ABCA13: variants seen among roughly 807,000 people sequenced by gnomAD.
ABCA13 encodes ATP-binding cassette sub-family A member 13.
Under a neutral mutation model 478.7 loss-of-function variants are expected in ABCA13, and 476 were observed. That is an observed-to-expected ratio of 0.99 (90% CI 0.92 to 1.07). The LOEUF is 1.07. Among genes scored for constraint, ABCA13 ranks in the 50% least tolerant of loss-of-function variants. The probability of loss-of-function intolerance (pLI) is 0.00; values close to 1 mark genes in which losing one functional copy is unlikely to be tolerated. For missense variants in ABCA13, 6,060 were observed against 5,910.6 expected, an observed-to-expected ratio of 1.03 and a Z score of -0.83; for synonymous variants, 2,252 against 2,158.9, an observed-to-expected ratio of 1.04 and a Z score of -1.20.
intron 17 of ABCA13, 124 bp downstream of exon 17, chr7:48,276,689 G>T: frequency 5.3e-6 from 4 of 751,284 alleles, no homozygotes; most frequent in Non-Finnish European, 8.2e-6. Flanking sequence ...GATCTTTGAT[G>T]TAAATTTGTC....
In ABCA13 at chr7:48,273,493, C is replaced by A. The variant is rs1409400838; in HGVS notation, c.3827C>A (p.Thr1276Lys). Reference protein sequence around the residue: ...QLKTFPFNESTSREFLNSLLE... With the variant: ...QLKTFPFNESKSREFLNSLLE... ...AAGACATTTCCATTCAACGAAAGTA[C>A]AAGCAGAGAGTTTTTAAATTCTCTG... The change falls in exon 17 of 62, where the codon ACA (threonine) becomes AAA (lysine). Residue 1276 changes from threonine to lysine, a missense_variant. By Grantham distance (78) the Thr-to-Lys change is moderately conservative. Around this residue, in one of 3 missense-constraint regions of ABCA13, gnomAD observed 4,423 missense variants for 4,309.1 expected, o/e 1.03. Coordinates refer to ENST00000435803, the MANE Select transcript of ABCA13 (RefSeq NM_152701.5). 1 of 1,601,438 alleles carries A rather than the reference C, an allele frequency of 6.2e-7. No individual in the cohort carries two copies. Among genetic ancestry groups the A allele is most frequent in the East Asian group, 2.2e-5 (1 of 44,608 alleles).
chr7:48,501,118 A>G (rs1486031465), intron 48 of ABCA13, among the ~76,000 whole-genome samples: 1 of 152,108 alleles, frequency 6.6e-6, no homozygotes, highest in African/African-American at 2.4e-5. Flanking sequence ...CCTTGGCCTG[A>G]CAGGGGCAGG....
intron 42 of ABCA13, among the ~76,000 whole-genome samples, chr7:48,435,095 G>A (rs971800623): frequency 6.6e-6 from 1 of 151,748 alleles, no homozygotes; most frequent in Non-Finnish European, 1.5e-5. Context: ...AGTTTTGGGT[G>A]GTATTGATAT....
At chr7:48,416,852 G>A (rs113425599) in intron 41 of ABCA13, among the ~76,000 whole-genome samples, 4 of 151,880 alleles carry the variant, frequency 2.6e-5, no homozygotes, top group African/African-American at 4.8e-5. Flanking sequence ...TACAGAGCTC[G>A]GGCCTGTTAA....
At chr7:48,576,438 T>G (rs78806338) in intron 55 of ABCA13, among the ~76,000 whole-genome samples, 1 of 152,162 alleles carries the variant, frequency 6.6e-6, no homozygotes, top group African/African-American at 2.4e-5. Flanking sequence ...AAAAATCCTT[T>G]CGTGCTTTCA....
chr7:48,636,169 A>G (rs1794618908), intron 59 of ABCA13, among the ~76,000 whole-genome samples: 1 of 152,156 alleles, frequency 6.6e-6, no homozygotes, highest in African/African-American at 2.4e-5. Flanking sequence ...TATTAATTTT[A>G]TTGTGTACAG....
chr7:48,377,859 T>C (rs1311996828), intron 35 of ABCA13, among the ~76,000 whole-genome samples: 2 of 152,212 alleles, frequency 1.3e-5, no homozygotes, highest in Non-Finnish European at 2.9e-5. Context: ...GAAAGTAATG[T>C]TACAAAATAC....
chr7:48,246,230 C>T (rs1406975497), intron 13 of ABCA13, among the ~76,000 whole-genome samples, 200 bp downstream of exon 13: 1 of 152,164 alleles, frequency 6.6e-6, no homozygotes, highest in African/African-American at 2.4e-5. Flanking sequence ...ATGCCACCCG[C>T]CTGGCCAAAA....
chr7:48,466,481 A>G (rs1826887610), intron 43 of ABCA13, among the ~76,000 whole-genome samples: 1 of 152,240 alleles, frequency 6.6e-6, no homozygotes, highest in Non-Finnish European at 1.5e-5. Context: ...ATAGAAACCA[A>G]ATGATATTTC....
intron 48 of ABCA13, among the ~76,000 whole-genome samples, chr7:48,503,539 T>A (rs1830938192): frequency 6.6e-6 from 1 of 152,234 alleles, no homozygotes; most frequent in Non-Finnish European, 1.5e-5. Context: ...TTTGCAGTGT[T>A]TGTCTTTCTT....
intron 18 of ABCA13, 120 bp downstream of exon 18, chr7:48,280,040 C>A: frequency 1.8e-6 from 2 of 1,121,444 alleles, no homozygotes; most frequent in Non-Finnish European, 2.4e-6. Context: ...ACTTTGTTTA[C>A]ACTCTGAAGT....
chr7:48,239,448 T>A, intron 9 of ABCA13, 43 bp downstream of exon 9: 1 of 1,538,894 alleles, frequency 6.5e-7, no homozygotes, highest in South Asian at 1.3e-5. Context: ...GGTGTGCCAG[T>A]TTGAGTGTCC....
chr7:48,424,031 A>G (rs1164639284), intron 41 of ABCA13, among the ~76,000 whole-genome samples: 2 of 152,216 alleles, frequency 1.3e-5, no homozygotes, highest in Non-Finnish European at 1.5e-5. Flanking sequence ...ATGATAGAAA[A>G]TACCACCAAA....
At chr7:48,284,419 T>A (rs1441094585) in intron 19 of ABCA13, among the ~76,000 whole-genome samples, 2 of 152,220 alleles carry the variant, frequency 1.3e-5, no homozygotes, top group Admixed American at 1.3e-4. Context: ...TAGAAATCAG[T>A]AAAGTGTTAC....
At chr7:48,239,444 C>T in intron 9 of ABCA13, 39 bp downstream of exon 9, 1 of 1,540,962 alleles carries the variant, frequency 6.5e-7, no homozygotes, top group Non-Finnish European at 8.7e-7. Context: ...CAAAGGTGTG[C>T]CAGTTTGAGT....
chr7:48,476,560 G>T (rs1429093260), intron 45 of ABCA13, among the ~76,000 whole-genome samples: 1 of 152,172 alleles, frequency 6.6e-6, no homozygotes, highest in East Asian at 1.9e-4. Flanking sequence ...GGTCCCAGGA[G>T]GGGTTACTTA....
intron 49 of ABCA13, 51 bp downstream of exon 49, chr7:48,506,441 T>C: frequency 1.3e-6 from 2 of 1,593,028 alleles, no homozygotes; most frequent in African/African-American, 1.3e-5. Flanking sequence ...TGGAAGAAAA[T>C]CTTTGTGTTA....
intron 40 of ABCA13, 84 bp from the exon 41 acceptor site, chr7:48,412,269 C>T: frequency 9.8e-7 from 1 of 1,017,028 alleles, no homozygotes; most frequent in African/African-American, 1.6e-5. Flanking sequence ...AAATAATTTG[C>T]TTATGGATAT....
chr7:48,537,773 G>C lies in ABCA13; in HGVS notation c.14354+9428G>C, dbSNP rs376277432. On this transcript the variant is annotated intron_variant, in intron 55 of 61. Transcript: ENST00000435803. Reference sequence around the variant, plus strand: ...AGGGGTGACTCAGGACAGAGCAGGTGATCAGGAGTGACTCAGGATGGAGCA... The same window carrying C: ...AGGGGTGACTCAGGACAGAGCAGGTCATCAGGAGTGACTCAGGATGGAGCA... Among the ~76,000 whole-genome samples the C allele has an allele frequency of 6.6e-5, 10 of 152,238 alleles. No individual in the cohort carries two copies. The East Asian group carries it at 1.5e-3, about 24-fold the overall frequency.
Sources: allele counts gnomAD v4.1 joint callset (sites outside exome capture counted in the v4.1 genomes callset), GRCh38; gene constraint gnomAD v4.1.1; regional missense constraint gnomAD v4.1.1; transcripts MANE v1.5; gene names NCBI Gene and HGNC (gene_info 2026-07-23, HGNC 2026-07-21).